CLTC: variants seen among roughly 807,000 people sequenced by gnomAD.
CLTC encodes the protein clathrin heavy chain.
CLTC carries 16 observed loss-of-function variants against 195.8 expected under a neutral mutation model. That is an observed-to-expected ratio of 0.08 (90% CI 0.06 to 0.12). CLTC has a LOEUF of 0.12. Among genes scored for constraint, CLTC ranks in the 10% least tolerant of loss-of-function variants. The pLI is 1.00. For synonymous variants in CLTC, 667 were observed against 689.4 expected (o/e 0.97, Z 0.51); for missense variants, 796 against 2,027.0 (o/e 0.39, Z 11.66).
intron 1 of CLTC, among the ~76,000 whole-genome samples, chr17:59,636,417 G>A (rs777983276): frequency 3.9e-5 from 6 of 152,132 alleles, no homozygotes; most frequent in Non-Finnish European, 7.4e-5. Context: ...AGCATTCAAC[G>A]TAGATTTCTG....
chr17:59,627,537 C>T (rs1013370461), intron 1 of CLTC, among the ~76,000 whole-genome samples: 2 of 152,160 alleles, frequency 1.3e-5, no homozygotes, highest in South Asian at 4.1e-4. Flanking sequence ...AAATGTACCA[C>T]AATTGTTTAT....
chr17:59,620,196 G>C (rs1433008995), intron 1 of CLTC, 23 bp downstream of exon 1: 1 of 1,613,700 alleles, frequency 6.2e-7, no homozygotes, highest in Non-Finnish European at 8.5e-7. Context: ...CCGGGCTGGT[G>C]AGGGCTGTGG....
chr17:59,661,763 AACACAC>A (rs1354869057), intron 8 of CLTC, 120 bp downstream of exon 8: 1 of 813,608 alleles, frequency 1.2e-6, no homozygotes, highest in African/African-American at 1.7e-5. Flanking sequence ...ACAGAACAAA[AACACAC>A]ATTGCATAAG....
At chr17:59,686,980 A>G (rs2033198473) in intron 30 of CLTC, 1 of 988,332 alleles carries the variant, frequency 1.0e-6, no homozygotes, top group Non-Finnish European at 1.2e-6. Flanking sequence ...TCTAAGCTGC[A>G]CCTTCTGAAT....
At position 59,695,235 on chromosome 17, in the gene CLTC, C is replaced by G. The variant is rs2033393394; in HGVS notation, c.*1383C>G. The stretch of plus-strand genomic sequence containing the variant: ...TATGGCTGAGAATGTTCCTAAAGTT[C>G]ATTTCACTATCCCTTAATCCTCAAT... On this transcript the variant is annotated 3_prime_UTR_variant, in exon 32 of 32. Transcript: ENST00000269122. 1 of 198,200 alleles carries G rather than the reference C, an allele frequency of 5.0e-6. No individual in the cohort carries two copies. Among genetic ancestry groups the G allele is most frequent in the Non-Finnish European group, 1.0e-5 (1 of 95,818 alleles). 12.3% of individuals were successfully genotyped at this position (198,200 alleles called of 1,614,324 possible).
intron 16 of CLTC, among the ~76,000 whole-genome samples, chr17:59,675,273 A>G (rs188764941): frequency 4.6e-5 from 7 of 152,304 alleles, no homozygotes; most frequent in East Asian, 3.9e-4. Flanking sequence ...TTCCCTGTGC[A>G]ACTCTTGAGT....
chr17:59,664,762 C>T (rs762686159), intron 9 of CLTC, 25 bp from the exon 10 acceptor site: 2 of 1,605,588 alleles, frequency 1.2e-6, no homozygotes, highest in Non-Finnish European at 1.7e-6. Context: ...TTAGGAGCAG[C>T]GTTTAAGTCT....
intron 8 of CLTC, 59 bp from the exon 9 acceptor site, chr17:59,663,783 A>G: frequency 1.4e-6 from 2 of 1,470,610 alleles, no homozygotes; most frequent in Admixed American, 2.0e-5. Flanking sequence ...CATAGTGTCA[A>G]CTGCTCATTT....
At chr17:59,625,871 C>CT (rs934965515) in intron 1 of CLTC, among the ~76,000 whole-genome samples, 15 of 152,036 alleles carry the variant, frequency 9.9e-5, no homozygotes, top group African/African-American at 3.4e-4. Flanking sequence ...TAACCTCTTG[C>CT]TTTTTTTTCT....
chr17:59,693,762 T>G lies in CLTC; in HGVS notation c.4938T>G (p.Ser1646Arg), dbSNP rs1440912077. The G allele has an allele frequency of 1.2e-6, 2 of 1,613,916 alleles. No homozygotes were observed. Among genetic ancestry groups the G allele is most frequent in the South Asian group, 2.2e-5 (2 of 91,074 alleles). The change falls in exon 32 of 32, where the codon AGT becomes AGG. Residue 1646 changes from serine (S) to arginine (R), a missense_variant. Physicochemically the swap from Ser to Arg is moderately radical, Grantham distance 110 (BLOSUM62 -1). Transcript: ENST00000269122. ...QPQLMLTAGP[S>R]VAVPPQAPFG... ...AGTTGATGCTGACAGCAGGACCCAG[T>G]GTTGCCGTCCCTCCCCAGGCACCTT...
chr17:59,676,093 C>T (rs1029996017), intron 16 of CLTC, among the ~76,000 whole-genome samples: 4 of 152,156 alleles, frequency 2.6e-5, no homozygotes, highest in Non-Finnish European at 5.9e-5. Flanking sequence ...GTAGTCCCAG[C>T]TTCTGGGGAA....
At chr17:59,674,560 C>T (rs1341131423) in intron 15 of CLTC, 141 bp from the exon 16 acceptor site, 2 of 666,650 alleles carry the variant, frequency 3.0e-6, no homozygotes, top group African/African-American at 1.9e-5. Flanking sequence ...AAATTTAGAC[C>T]CTCAGTTTAT....
At chr17:59,642,034 T>G (rs2032053854) in intron 1 of CLTC, among the ~76,000 whole-genome samples, 1 of 141,390 alleles carries the variant, frequency 7.1e-6, no homozygotes, top group Admixed American at 7.2e-5. Context: ...ACAAGTAAAA[T>G]ACCCTGAGGC....
intron 14 of CLTC, among the ~76,000 whole-genome samples, chr17:59,669,463 T>C (rs2032798754): frequency 6.6e-6 from 1 of 152,182 alleles, no homozygotes. Flanking sequence ...TTGTGACACA[T>C]TAAATCAGTT....
At chr17:59,680,043 C>G (rs1191109722) in intron 18 of CLTC, among the ~76,000 whole-genome samples, 1 of 151,610 alleles carries the variant, frequency 6.6e-6, no homozygotes, top group African/African-American at 2.4e-5. Context: ...GCAAGACTGT[C>G]TCAAAAAAAC....
intron 1 of CLTC, among the ~76,000 whole-genome samples, chr17:59,643,132 G>GGGGT (rs747258707): frequency 0.021 from 2,952 of 142,294 alleles, 32 homozygotes; most frequent in Non-Finnish European, 0.032. Flanking sequence ...TCTTTTCTGG[G>GGGGT]GTGTGTGTGT....
At chr17:59,655,711 A>C (rs2032450331) in intron 5 of CLTC, 143 bp from the exon 6 acceptor site, 1 of 591,906 alleles carries the variant, frequency 1.7e-6, no homozygotes, top group African/African-American at 1.9e-5. Context: ...AAATGAAGGA[A>C]ACTTTAAATA....
chr17:59,655,832 AGT>A lies in CLTC; in HGVS notation c.796-19_796-18del, dbSNP rs754701660. On this transcript the variant is annotated intron_variant, in intron 5 of 31. Transcript: ENST00000269122. Reference sequence around the variant, plus strand: ...GTTTGTAGATTCATTATTTTACTAAAGTGTTGATTTTCTTTCTGTAGATCAGT... The same window carrying A: ...GTTTGTAGATTCATTATTTTACTAAAGTTGATTTTCTTTCTGTAGATCAGT... 11 of 1,505,726 alleles carry A rather than the reference AGT, an allele frequency of 7.3e-6. No individual in the cohort carries two copies. Among genetic ancestry groups the A allele is most frequent in the Non-Finnish European group, 9.7e-6 (11 of 1,130,072 alleles). The allele number at this position is 1,505,726 out of a possible 1,614,324, so 93.3% of individuals were successfully genotyped here. A position where few individuals can be genotyped will look rare whatever the true frequency, so the allele number is the denominator to read the frequency against.
chr17:59,656,169 T>C (rs562837223), intron 6 of CLTC, 142 bp downstream of exon 6: 10 of 685,216 alleles, frequency 1.5e-5, no homozygotes, highest in Middle Eastern at 2.9e-4. Context: ...AAAAAGTAAA[T>C]AGTAACTTTG....
Sources: gnomAD v4.1 joint callset for allele counts (sites outside exome capture counted in the v4.1 genomes callset) on GRCh38, gnomAD v4.1.1 for gene constraint, MANE v1.5 for transcripts, NCBI Gene and HGNC (gene_info 2026-07-23, HGNC 2026-07-21) for gene names.